Variants in GPBP1L1 observed in about 807,000 individuals in gnomAD.
The protein encoded by GPBP1L1 is GC-rich promoter binding protein 1 like 1, also known as vasculin-like protein 1.
GPBP1L1 carries 23 observed loss-of-function variants against 52.5 expected under a neutral mutation model. The observed-to-expected ratio is 0.44, with a 90% CI of 0.32 to 0.62. The LOEUF (loss-of-function observed/expected upper bound fraction) is 0.62. Ranked by LOEUF, GPBP1L1 falls within the 20% of genes least tolerant of loss-of-function variation. The pLI is 0.06. For missense variants in GPBP1L1, 596 were observed against 579.3 expected (o/e 1.03, Z -0.30); for synonymous variants, 243 against 203.1 (o/e 1.20, Z -1.67).
In GPBP1L1 at chr1:45,630,588, G is replaced by T. The variant is rs772271775; in HGVS notation, c.1063C>A (p.Pro355Thr). 9 of 1,614,018 alleles carry T rather than the reference G, an allele frequency of 5.6e-6. No homozygotes were observed. The South Asian group carries it at 9.9e-5, about 18-fold the overall frequency. The change falls in exon 11 of 13, where the codon CCT becomes ACT. Residue 355 changes from proline to threonine, a missense_variant. Coordinates refer to ENST00000355105, the MANE Select transcript of GPBP1L1 (RefSeq NM_021639.5). ...TCCTCCCCATTTTCCTTTGGTTCAG[G>T]TGTGCTGTTGTCCTCCAACTGCAAT... The part of the protein sequence containing the change: ...KLEDLEDNST[P>T]EPKENGEEGC...
chr1:45,685,733 G>A (rs1312986277), intron 1 of GPBP1L1, 113 bp from the exon 2 acceptor site: 1 of 152,162 alleles, frequency 6.6e-6, no homozygotes, highest in Non-Finnish European at 1.5e-5. Context: ...ACTTCCCCAA[G>A]CTACAGCCAT....
At chr1:45,646,370 C>T (rs1290417862) in intron 6 of GPBP1L1, among the ~76,000 whole-genome samples, 2 of 152,174 alleles carry the variant, frequency 1.3e-5, no homozygotes, top group African/African-American at 2.4e-5. Flanking sequence ...TTTGCTGTCA[C>T]AGTCTATCTG....
intron 8 of GPBP1L1, among the ~76,000 whole-genome samples, chr1:45,637,882 A>G (rs1050758453): frequency 1.3e-5 from 2 of 152,084 alleles, no homozygotes; most frequent in South Asian, 2.1e-4. Context: ...ACTCCTCACA[A>G]AAAAAAGGGG....
chr1:45,661,802 A>G (rs1553182749), intron 2 of GPBP1L1, among the ~76,000 whole-genome samples: 1 of 152,098 alleles, frequency 6.6e-6, no homozygotes, highest in Non-Finnish European at 1.5e-5. Flanking sequence ...ACACTTTGAG[A>G]GGCCAAATTT....
intron 6 of GPBP1L1, 90 bp downstream of exon 6, chr1:45,654,453 A>C: frequency 8.2e-7 from 1 of 1,222,574 alleles, no homozygotes; most frequent in East Asian, 2.4e-5. Flanking sequence ...TTTTTCTGTA[A>C]TTTCTGAAAT....
chr1:45,671,955 A>C (rs1421656674), intron 2 of GPBP1L1, among the ~76,000 whole-genome samples: 1 of 152,242 alleles, frequency 6.6e-6, no homozygotes, highest in Non-Finnish European at 1.5e-5. Context: ...TGACATCTTC[A>C]TAATAAATCT....
At chr1:45,637,540 T>TTTTTTTTTTTTTTTTTTTTTTTTTTG (rs1644610563) in intron 8 of GPBP1L1, among the ~76,000 whole-genome samples, 1 of 151,778 alleles carries the variant, frequency 6.6e-6, no homozygotes, top group Non-Finnish European at 1.5e-5. Context: ...AGCCTTTATA[T>TTTTTTTTTTTTTTTTTTTTTTTTTTG]TAGTTTTCCA....
intron 2 of GPBP1L1, among the ~76,000 whole-genome samples, chr1:45,684,792 CA>C (rs1411181892): frequency 6.6e-6 from 1 of 151,840 alleles, no homozygotes; most frequent in Non-Finnish European, 1.5e-5. Context: ...GTAAAACCAC[CA>C]AAATAATTTA....
chr1:45,659,808 G>A (rs1429235129), intron 3 of GPBP1L1, among the ~76,000 whole-genome samples: 1 of 152,084 alleles, frequency 6.6e-6, no homozygotes, highest in African/African-American at 2.4e-5. Context: ...AGGTGTGGTG[G>A]CACACGTCTG....
At position 45,654,739 on chromosome 1, in the gene GPBP1L1, G is replaced by A; in HGVS notation, c.281C>T (p.Ser94Phe). ...ACCTCGGGAAGAGCTATGCCAACCAGATGGGTTCCCTGTGATTCCAGCATA... is the reference window on the plus strand; with the variant it reads ...ACCTCGGGAAGAGCTATGCCAACCAAATGGGTTCCCTGTGATTCCAGCATA... ...GAYAGITGNP[S>F]GWHSSSRGHD... The change falls in exon 6 of 13, where the codon TCT (serine) becomes TTT (phenylalanine). Residue 94 changes from serine to phenylalanine, a missense_variant. By Grantham distance (155) the Ser-to-Phe change is radical. Transcript: ENST00000355105. 6.2e-7 allele frequency: 1 copy of A among 1,614,168 alleles called. No individual in the cohort carries two copies. The highest frequency in any genetic ancestry group is 8.5e-7 in the Non-Finnish European group (1 of 1,180,020).
At chr1:45,663,591 A>G (rs1250130867) in intron 2 of GPBP1L1, among the ~76,000 whole-genome samples, 1 of 152,226 alleles carries the variant, frequency 6.6e-6, no homozygotes, top group African/African-American at 2.4e-5. Flanking sequence ...ATGCATGTGC[A>G]GAGTATGTGG....
intron 6 of GPBP1L1, among the ~76,000 whole-genome samples, chr1:45,653,418 C>A (rs1283151817): frequency 6.6e-6 from 1 of 152,120 alleles, no homozygotes; most frequent in African/African-American, 2.4e-5. Context: ...TGCAGTGGGG[C>A]AATCATAGCT....
At chr1:45,640,145 A>T in intron 8 of GPBP1L1, 65 bp downstream of exon 8, 5 of 1,331,056 alleles carry the variant, frequency 3.8e-6, no homozygotes, top group Non-Finnish European at 2.1e-6. Context: ...AAATTTATTA[A>T]TTTTTTCCTG....
chr1:45,643,794 T>A (rs1382993149), intron 6 of GPBP1L1, among the ~76,000 whole-genome samples: 2 of 150,224 alleles, frequency 1.3e-5, no homozygotes, highest in East Asian at 4.0e-4. Flanking sequence ...CTCAGCTTCC[T>A]GAGTAACTGG....
chr1:45,634,456 A>C, intron 8 of GPBP1L1: 1 of 407,020 alleles, frequency 2.5e-6, no homozygotes, highest in Non-Finnish European at 4.4e-6. Flanking sequence ...ATTAATAGTG[A>C]CTTCCCAAAA....
chr1:45,641,262 A>G (rs1199144815), intron 7 of GPBP1L1, among the ~76,000 whole-genome samples: 1 of 152,140 alleles, frequency 6.6e-6, no homozygotes, highest in Admixed American at 6.5e-5. Context: ...GGCTATCAAC[A>G]TGTCTAATGA....
Position 45,684,288 on chromosome 1 carries a change from A to G in GPBP1L1, c.-1098+1288T>C, listed in dbSNP as rs556478456. Among the ~76,000 whole-genome samples the G allele has an allele frequency of 9.9e-4, 150 of 151,672 alleles. No homozygotes were observed. In the East Asian group the frequency reaches 0.021, roughly 21 times the overall value. ...AAAAAAAAAAAAAAAGAAAAAGAAA[A>G]GAAAAGAAGGAAAAAAAAGTAAGTA... On this transcript the variant is annotated intron_variant, in intron 2 of 12. Transcript: ENST00000355105.
chr1:45,668,910 T>C (rs1645042376), intron 2 of GPBP1L1, among the ~76,000 whole-genome samples: 1 of 152,138 alleles, frequency 6.6e-6, no homozygotes, highest in Non-Finnish European at 1.5e-5. Context: ...AAGGTTGCAG[T>C]AGGCTATGAC....
At chr1:45,677,656 A>G (rs1645163661) in intron 2 of GPBP1L1, among the ~76,000 whole-genome samples, 1 of 152,256 alleles carries the variant, frequency 6.6e-6, no homozygotes, top group South Asian at 2.1e-4. Context: ...CACAAATTCA[A>G]CGACAACAAT....
Sources: gnomAD v4.1 joint callset for allele counts (sites outside exome capture counted in the v4.1 genomes callset) on GRCh38, gnomAD v4.1.1 for gene constraint, MANE v1.5 for transcripts, NCBI Gene and HGNC (gene_info 2026-07-23, HGNC 2026-07-21) for gene names.